DLGAP2: variants seen among roughly 807,000 people sequenced by gnomAD.
The protein encoded by DLGAP2 is disks large-associated protein 2.
A neutral mutation model predicts 100.3 loss-of-function variants in DLGAP2; 26 were observed. The observed-to-expected ratio is 0.26, with a 90% CI of 0.19 to 0.36. The LOEUF (loss-of-function observed/expected upper bound fraction) is 0.36. DLGAP2 is among the 10% of genes least tolerant of loss of function. The pLI, the probability that DLGAP2 is intolerant of heterozygous loss-of-function variation, is 1.00. For synonymous variants in DLGAP2, 886 were observed against 630.1 expected (o/e 1.41, Z -6.08); for missense variants, 1,858 against 1,453.2 (o/e 1.28, Z -4.53).
chr8:1,592,178 C>T (rs1796313022), intron 6 of DLGAP2, among the ~76,000 whole-genome samples: 1 of 152,214 alleles, frequency 6.6e-6, no homozygotes, highest in African/African-American at 2.4e-5. Context: ...CATCTCCTGG[C>T]CGCAGCTCTC....
Position 1,220,715 on chromosome 8 carries a change from C to T in DLGAP2, c.74-38136C>T, listed in dbSNP as rs187209285. Among the ~76,000 whole-genome samples the T allele has an allele frequency of 5.0e-4, 76 of 152,280 alleles. 1 individual carries two copies. The highest frequency in any genetic ancestry group is 1.7e-3 in the African/African-American group (70 of 41,574). On this transcript the variant is annotated intron_variant, in intron 2 of 14. Coordinates refer to ENST00000637795, the MANE Select transcript of DLGAP2 (RefSeq NM_001346810.2). ...GTCAGTGAGATGTTAAAATCTCCCA[C>T]TATTACTGTGTGGTTATCAAAGTCT...
chr8:1,003,498 A>G (rs1160816171), intron 2 of DLGAP2, among the ~76,000 whole-genome samples: 2 of 152,224 alleles, frequency 1.3e-5, no homozygotes, highest in African/African-American at 4.8e-5. Context: ...CTAACAATCC[A>G]TTGGTTTTGG....
At chr8:1,327,072 C>T (rs532197547) in intron 3 of DLGAP2, among the ~76,000 whole-genome samples, 1 of 152,264 alleles carries the variant, frequency 6.6e-6, no homozygotes, top group Non-Finnish European at 1.5e-5. Context: ...CCCCTGGAGG[C>T]AGAGCCCTGG....
chr8:1,552,004 T>C (rs980650663), intron 5 of DLGAP2, among the ~76,000 whole-genome samples: 7 of 152,110 alleles, frequency 4.6e-5, no homozygotes, highest in African/African-American at 1.7e-4. Flanking sequence ...CCCCTAGATT[T>C]TTTTTGTTTG....
At chr8:1,198,255 T>A (rs1296956848) in intron 2 of DLGAP2, among the ~76,000 whole-genome samples, 2 of 152,140 alleles carry the variant, frequency 1.3e-5, no homozygotes, top group African/African-American at 2.4e-5. Context: ...CACATCCCTC[T>A]AAGGAGGAAA....
intron 1 of DLGAP2, among the ~76,000 whole-genome samples, chr8:830,516 A>G (rs1200672393): frequency 6.6e-6 from 1 of 152,038 alleles, no homozygotes; most frequent in Non-Finnish European, 1.5e-5. Flanking sequence ...GGTTGTTTTA[A>G]TTTTTAACAT....
At chr8:1,196,368 C>A (rs576179662) in intron 2 of DLGAP2, among the ~76,000 whole-genome samples, 1 of 152,326 alleles carries the variant, frequency 6.6e-6, no homozygotes, top group South Asian at 2.1e-4. Flanking sequence ...CCCCCATCCC[C>A]AGGTGTCAGC....
At position 1,549,467 on chromosome 8, in the gene DLGAP2, G is replaced by T. The variant is rs749112206; in HGVS notation, c.1014G>T (p.Leu338=). The T allele has an allele frequency of 1.2e-6, 2 of 1,613,454 alleles. No individual in the cohort carries two copies. Among genetic ancestry groups the T allele is most frequent in the East Asian group, 4.5e-5 (2 of 44,860 alleles). The change falls in exon 5 of 15, where the codon CTG becomes CTT. Residue 338 remains leucine, a synonymous_variant. Coordinates refer to ENST00000637795, the MANE Select transcript of DLGAP2 (RefSeq NM_001346810.2). ...CGCTGCAGAGCCCCTTCGGGGACCT[G>T]TCCCTCAAGACCTCCAAGAGCAACA... ...PDALQSPFGD[L]SLKTSKSNND...
At chr8:1,216,290 A>G (rs2123064) in intron 2 of DLGAP2, among the ~76,000 whole-genome samples, 20,959 of 151,940 alleles carry the variant, frequency 0.14, 3,364 homozygotes, top group African/African-American at 0.4. Context: ...AGTCAACTTC[A>G]TACAGGGGCT....
chr8:1,257,728 CCG>C (rs1799258000), intron 2 of DLGAP2, among the ~76,000 whole-genome samples: 1 of 152,028 alleles, frequency 6.6e-6, no homozygotes, highest in African/African-American at 2.4e-5. Flanking sequence ...TCCCGAGGGC[CCG>C]TGCAGGCCAG....
chr8:1,514,926 G>A (rs1255239270), intron 4 of DLGAP2, among the ~76,000 whole-genome samples: 2 of 152,208 alleles, frequency 1.3e-5, no homozygotes, highest in Non-Finnish European at 2.9e-5. Flanking sequence ...CCCTACAAGA[G>A]CACAGCCAGC....
intron 6 of DLGAP2, among the ~76,000 whole-genome samples, chr8:1,607,778 C>T (rs9720618): frequency 3.9e-5 from 6 of 151,948 alleles, no homozygotes; most frequent in African/African-American, 7.3e-5. Context: ...AAAGGGGTGA[C>T]GGACGCACCT....
chr8:982,026 C>T (rs1227170797), intron 2 of DLGAP2, among the ~76,000 whole-genome samples: 1 of 152,202 alleles, frequency 6.6e-6, no homozygotes, highest in Non-Finnish European at 1.5e-5. Flanking sequence ...TGCTCCTCCA[C>T]CTTTAAACTT....
intron 2 of DLGAP2, among the ~76,000 whole-genome samples, chr8:1,214,233 C>T (rs1798166000): frequency 6.6e-6 from 1 of 152,214 alleles, no homozygotes; most frequent in South Asian, 2.1e-4. Context: ...TGCCCCTCCT[C>T]AGCAAGTCCT....
intron 3 of DLGAP2, among the ~76,000 whole-genome samples, chr8:1,427,419 G>C (rs1254825394): frequency 6.6e-6 from 1 of 152,128 alleles, no homozygotes; most frequent in Non-Finnish European, 1.5e-5. Flanking sequence ...AATATGATGT[G>C]GCTACTCCCT....
intron 4 of DLGAP2, among the ~76,000 whole-genome samples, chr8:1,505,296 T>C (rs1799867321): frequency 1.3e-5 from 2 of 152,226 alleles, no homozygotes; most frequent in Non-Finnish European, 2.9e-5. Flanking sequence ...ATTTCCAAAA[T>C]GCTGTGGGAC....
In DLGAP2 at chr8:1,553,155, C is replaced by T. The variant is rs529743610; in HGVS notation, c.1230+3472C>T. ...CCCCTGCTGCATCCCAGAGAAGACC[C>T]GGCAGCCCCTCCAGCCCTCGGCCTC... On this transcript the variant is annotated intron_variant, in intron 5 of 14. Transcript: ENST00000637795. Among the ~76,000 whole-genome samples, 13 of 152,284 alleles carry T rather than the reference C, an allele frequency of 8.5e-5. No homozygotes were observed. The South Asian group carries it at 1.7e-3, about 19-fold the overall frequency.
chr8:1,514,937 G>A (rs183462620), intron 4 of DLGAP2, among the ~76,000 whole-genome samples: 22 of 152,302 alleles, frequency 1.4e-4, no homozygotes, highest in Admixed American at 5.9e-4. Flanking sequence ...CACAGCCAGC[G>A]GGCAGGAGCA....
At chr8:1,274,303 A>C (rs955187554) in intron 3 of DLGAP2, among the ~76,000 whole-genome samples, 9 of 152,190 alleles carry the variant, frequency 5.9e-5, no homozygotes, top group African/African-American at 2.2e-4. Context: ...ACACAACCAC[A>C]CTTGTGCCCC....
Sources: allele counts gnomAD v4.1 joint callset (sites outside exome capture counted in the v4.1 genomes callset), GRCh38; gene constraint gnomAD v4.1.1; transcripts MANE v1.5; gene names NCBI Gene and HGNC (gene_info 2026-07-23, HGNC 2026-07-21).